Variants in MUC6 observed in about 807,000 individuals in gnomAD.
MUC6 encodes mucin 6, oligomeric mucus/gel-forming (gene/pseudogene).
MUC6 carries 188 observed loss-of-function variants against 201.5 expected under a neutral mutation model. That is an observed-to-expected ratio of 0.93 (90% CI 0.83 to 1.05). MUC6 has a LOEUF of 1.05. MUC6 is among the 50% of genes least tolerant of loss of function. The pLI is 0.00. For synonymous variants in MUC6, 1,228 were observed against 1,389.4 expected (o/e 0.88, Z 2.58); for missense variants, 2,706 against 3,256.9 (o/e 0.83, Z 4.12).
At chr11:1,027,222 G>A (rs1459477135) in intron 17 of MUC6, 29 bp from the exon 18 acceptor site, 4 of 1,611,930 alleles carry the variant, frequency 2.5e-6, no homozygotes, top group Non-Finnish European at 3.4e-6. Context: ...GTGAGACCCC[G>A]GGACCTGGCA....
rs1857025527 is a variant in MUC6, at chr11:1,028,688, C to T, written c.1549G>A (p.Ala517Thr). The T allele has an allele frequency of 1.2e-6, 2 of 1,610,854 alleles. No individual in the cohort carries two copies. The highest frequency in any genetic ancestry group is 1.7e-6 in the Non-Finnish European group (2 of 1,179,124). The change falls in exon 13 of 33, where the codon GCC (alanine) becomes ACC (threonine). Residue 517 changes from alanine (A) to threonine (T), a missense_variant. This residue lies in a region of MUC6 where 1,850 missense variants were observed against 1,958.3 expected (regional missense o/e 0.94). Coordinates refer to ENST00000421673, the MANE Select transcript of MUC6 (RefSeq NM_005961.3). ...AACTGGGGCCCAACAGTGACATAGG[C>T]CTGGAAGATGGGGCGCAGCTGGACC... ...LVVQLRPIFQ[A>T]YVTVGPQFRG...
chr11:1,036,706 C>T lies in MUC6; in HGVS notation c.-51G>A. 6.5e-7 allele frequency: 1 copy of T among 1,531,370 alleles called. No homozygotes were observed. The highest frequency in any genetic ancestry group is 8.8e-7 in the Non-Finnish European group (1 of 1,138,222). The allele number at this position is 1,531,370 out of a possible 1,614,324, so 94.9% of individuals were successfully genotyped here. A position where few individuals can be genotyped will look rare whatever the true frequency, so the allele number is the denominator to read the frequency against. On this transcript the variant is annotated 5_prime_UTR_variant, in exon 1 of 33. An upstream start codon of the reference 5' UTR is lost. Coordinates refer to ENST00000421673, the MANE Select transcript of MUC6 (RefSeq NM_005961.3). ...CTGGGCCCGGCAGGCCTGCTGCTGC[C>T]ATCCATGCGGCTCCAACGGCCGGTC...
rs371568896 is a variant in MUC6, at chr11:1,026,313, A to G, written c.2546+14T>C. ...CCAGGAGCCCAGGGCGTCTGAAGCG[A>G]GGCTTTGTCTCACCAGGTCCTGCAG... On this transcript the variant is annotated intron_variant, in intron 20 of 32. Transcript: ENST00000421673. 47 of 1,562,930 alleles carry G rather than the reference A, an allele frequency of 3.0e-5. 1 individual carries two copies. The highest frequency in any genetic ancestry group is 2.1e-4 in the Admixed American group (11 of 51,812).
At position 1,018,275 on chromosome 11, in the gene MUC6, G is replaced by T. The variant is rs200995469; in HGVS notation, c.4526C>A (p.Thr1509Asn). The change falls in exon 31 of 33, where the codon ACC (threonine) becomes AAC (asparagine). Residue 1509 changes from threonine (T) to asparagine (N), a missense_variant. By Grantham distance (65) the Thr-to-Asn change is moderately conservative. Transcript: ENST00000421673. ...GCTGAATGAGCTGTGGGCTTGGCTGGTCCCACTGGTGGTCGGCGTTATTGG... is the reference window on the plus strand; with the variant it reads ...GCTGAATGAGCTGTGGGCTTGGCTGTTCCCACTGGTGGTCGGCGTTATTGG... ...APPITPTTSGTSQAHSSFSTN... is the reference protein window; with the variant it reads ...APPITPTTSGNSQAHSSFSTN... 1.3e-6 allele frequency: 2 copies of T among 1,556,144 alleles called. No homozygotes were observed. Among genetic ancestry groups the T allele is most frequent in the African/African-American group, 3.3e-5 (2 of 60,132 alleles).
chr11:1,031,752 C>T lies in MUC6; in HGVS notation c.357-19G>A, dbSNP rs753042422. ...GATGACCCTGTGGGGCAAGGGAAGT[C>T]GGTGGTCGATCCTCAGTCCTCCGGC... On this transcript the variant is annotated intron_variant, in intron 3 of 32. Transcript: ENST00000421673. 21 of 1,549,688 alleles carry T rather than the reference C, an allele frequency of 1.4e-5. No homozygotes were observed. The East Asian group carries it at 2.2e-4, about 16-fold the overall frequency.
Position 1,028,402 on chromosome 11 carries a change from C to G in MUC6, c.1592-15G>C. 2 of 1,609,404 alleles carry G rather than the reference C, an allele frequency of 1.2e-6. No homozygotes were observed. The highest frequency in any genetic ancestry group is 1.7e-6 in the Non-Finnish European group (2 of 1,179,052). On this transcript the variant is annotated splice_polypyrimidine_tract_variant and intron_variant, in intron 13 of 32. Coordinates refer to ENST00000421673, the MANE Select transcript of MUC6 (RefSeq NM_005961.3). ...GCCGCAGAGCCCTGAGCCGGCGGGG[C>G]GTGAGCTCGACTTGAACCCATCCCT... is the stretch of plus-strand genomic sequence containing the variant.
At chr11:1,028,448 C>T in intron 13 of MUC6, 61 bp from the exon 14 acceptor site, 1 of 1,584,910 alleles carries the variant, frequency 6.3e-7, no homozygotes, top group Non-Finnish European at 8.6e-7. Flanking sequence ...TTCCTGCCCA[C>T]ACGCCCTGGA....
intron 28 of MUC6, among the ~76,000 whole-genome samples, chr11:1,020,475 C>T (rs772409948): frequency 6.6e-5 from 10 of 152,144 alleles, no homozygotes; most frequent in African/African-American, 1.2e-4. Flanking sequence ...TGTGCTCATC[C>T]GTGGGTCCAG....
rs1019731079 is a variant in MUC6 at position 1,030,788 on chromosome 11, G to T, written c.685-8C>A. 4 of 1,534,772 alleles carry T rather than the reference G, an allele frequency of 2.6e-6. No individual in the cohort carries two copies. Among genetic ancestry groups the T allele is most frequent in the Non-Finnish European group, 3.5e-6 (4 of 1,146,080 alleles). On this transcript the variant is annotated splice_region_variant and splice_polypyrimidine_tract_variant and intron_variant, in intron 6 of 32. Transcript: ENST00000421673. Reference sequence around the variant, plus strand: ...CTGGGTGCAGATCCGGGCCTGGGGGGGCCACTCAGGGTCATGGGGGCAAAG... The same window carrying T: ...CTGGGTGCAGATCCGGGCCTGGGGGTGCCACTCAGGGTCATGGGGGCAAAG...
Position 1,021,172 on chromosome 11 carries a change from T to C in MUC6, c.3589+43A>G, listed in dbSNP as rs779562671. ...GATGTGGACGTGCGTTCTGCCTGCA[T>C]GCAGGCAGGGGCAGGGTTCTCAGGG... On this transcript the variant is annotated intron_variant, in intron 27 of 32. Transcript: ENST00000421673. 6 of 1,517,372 alleles carry C rather than the reference T, an allele frequency of 4.0e-6. No homozygotes were observed. The South Asian group carries it at 6.5e-5, about 17-fold the overall frequency. The allele number at this position is 1,517,372 out of a possible 1,614,324, so 94.0% of individuals were successfully genotyped here.
intron 26 of MUC6, among the ~76,000 whole-genome samples, chr11:1,023,160 AATGAATGTGCATGAATC>A (rs1364358791): frequency 6.6e-6 from 1 of 151,178 alleles, no homozygotes; most frequent in Non-Finnish European, 1.5e-5. Context: ...AATGTGCGTG[AATGAATGTGCATGAATC>A]TGCGGGAATG....
chr11:1,026,589 T>C, intron 19 of MUC6, 111 bp from the exon 20 acceptor site: 1 of 1,266,312 alleles, frequency 7.9e-7, no homozygotes, highest in Non-Finnish European at 1.1e-6. Flanking sequence ...TCTCCCTGAA[T>C]ACAGCCCTGC....
Position 1,025,051 on chromosome 11 carries a change from G to T in MUC6, c.3018C>A (p.Asn1006Lys), listed in dbSNP as rs554251976. The T allele has an allele frequency of 1.2e-6, 2 of 1,612,718 alleles. No homozygotes were observed. Among genetic ancestry groups the T allele is most frequent in the Non-Finnish European group, 1.7e-6 (2 of 1,179,824 alleles). ...DPLCGLCGNFNGNMKDDFETR... is the reference protein window; with the variant it reads ...DPLCGLCGNFKGNMKDDFETR... The stretch of plus-strand genomic sequence containing the variant: ...TCTCGAAGTCGTCCTTCATGTTCCC[G>T]TTGAAGTTGCCACACAAGCCGCAGA... The change falls in exon 24 of 33, where the codon AAC becomes AAA. Residue 1006 changes from asparagine (N) to lysine (K), a missense_variant. By Grantham distance (94) the Asn-to-Lys change is moderately conservative. Around this residue, in one of 10 missense-constraint regions of MUC6, gnomAD observed 1,850 missense variants for 1,958.3 expected, o/e 0.94. Transcript: ENST00000421673.
Position 1,031,197 on chromosome 11 carries a change from C to T in MUC6, c.546G>A (p.Lys182=). ...CCTCACTGACAAACTCGTTGGTCAC[C>T]TTCCCGTCAAAGTTCCCGCAGAGCC... ...MCGLCGNFDG[K]VTNEFVSEEG... The change falls in exon 5 of 33, where the codon AAG becomes AAA. Residue 182 remains lysine (K), a synonymous_variant. Transcript: ENST00000421673. 2 of 1,566,980 alleles carry T rather than the reference C, an allele frequency of 1.3e-6. No homozygotes were observed. The highest frequency in any genetic ancestry group is 1.7e-6 in the Non-Finnish European group (2 of 1,156,962).
At position 1,019,932 on chromosome 11, in the gene MUC6, C is replaced by T. The variant is rs1437334577; in HGVS notation, c.3808+158G>A. 7 of 1,021,322 alleles carry T rather than the reference C, an allele frequency of 6.9e-6. No individual in the cohort carries two copies. The South Asian group carries it at 8.5e-5, about 12-fold the overall frequency. The allele number at this position is 1,021,322 out of a possible 1,614,324, so 63.3% of individuals were successfully genotyped here. On this transcript the variant is annotated intron_variant, in intron 29 of 32. Coordinates refer to ENST00000421673, the MANE Select transcript of MUC6 (RefSeq NM_005961.3). ...GTCTTTAAAAGTTTTTCCGAAAAATCCCCAGTTTGGCTCCCAAGCATAGGA... is the reference window on the plus strand; with the variant it reads ...GTCTTTAAAAGTTTTTCCGAAAAATTCCCAGTTTGGCTCCCAAGCATAGGA...
In MUC6 at chr11:1,018,576, G is replaced by A; in HGVS notation, c.4225C>T (p.Pro1409Ser). ...GGGACGGGACTCCCCGCCGTAGGCGGGGAGTGTGTGGTGTGTGGGGTTTGG... is the reference window on the plus strand; with the variant it reads ...GGGACGGGACTCCCCGCCGTAGGCGAGGAGTGTGTGGTGTGTGGGGTTTGG... ...TPQTPHTTHS[P>S]PTAGSPVPST... Residue 1409 changes from proline to serine, a missense_variant, in exon 31 of 33, where the codon CCG becomes TCG. Coordinates refer to ENST00000421673, the MANE Select transcript of MUC6 (RefSeq NM_005961.3). 2 of 1,613,456 alleles carry A rather than the reference G, an allele frequency of 1.2e-6. No individual in the cohort carries two copies. Among genetic ancestry groups the A allele is most frequent in the South Asian group, 2.2e-5 (2 of 91,058 alleles).
intron 31 of MUC6, 39 bp from the exon 32 acceptor site, chr11:1,014,040 G>T: frequency 1.9e-6 from 3 of 1,544,230 alleles, no homozygotes; most frequent in Non-Finnish European, 1.8e-6. Flanking sequence ...CCCAGGGTGG[G>T]CATGGAGCGA....
rs558124547 is a variant in MUC6, at chr11:1,013,982, C to G, written c.7059G>C (p.Glu2353Asp). 51 of 1,608,594 alleles carry G rather than the reference C, an allele frequency of 3.2e-5. 1 individual carries two copies. The South Asian group carries it at 5.4e-4, about 17-fold the overall frequency. Reference protein sequence around the residue: ...PTSPGVCSVREQQEEITFKGC... With the variant: ...PTSPGVCSVRDQQEEITFKGC... ...CCTTGAACGTGATCTCCTCCTGCTG[C>G]TCCCGCACACTGCAGACCCCTGGTA... Residue 2353 changes from glutamate to aspartate, a missense_variant, in exon 32 of 33, where the codon GAG becomes GAC. This residue lies in a region of MUC6 where 586 missense variants were observed against 488.0 expected (regional missense o/e 1.20). Coordinates refer to ENST00000421673, the MANE Select transcript of MUC6 (RefSeq NM_005961.3).
chr11:1,019,575 G>C (rs1655477339), intron 29 of MUC6, 79 bp from the exon 30 acceptor site: 1 of 1,327,356 alleles, frequency 7.5e-7, no homozygotes. Context: ...CCCCTGCCCT[G>C]CTTCTGGGAT....
Sources: allele counts gnomAD v4.1 joint callset (sites outside exome capture counted in the v4.1 genomes callset), GRCh38; gene constraint gnomAD v4.1.1; regional missense constraint gnomAD v4.1.1; transcripts MANE v1.5; gene names NCBI Gene and HGNC (gene_info 2026-07-23, HGNC 2026-07-21).